TNRC6C: variants seen among roughly 807,000 people sequenced by gnomAD.
TNRC6C encodes the protein trinucleotide repeat-containing gene 6C protein.
Under a neutral mutation model 153.7 loss-of-function variants are expected in TNRC6C, and 20 were observed. The ratio of observed to expected loss-of-function variants is 0.13; its 90% CI spans 0.09 to 0.19. The LOEUF is 0.19. Ranked by LOEUF, TNRC6C falls within the 10% of genes least tolerant of loss-of-function variation. The pLI, the probability that TNRC6C is intolerant of heterozygous loss-of-function variation, is 1.00. For synonymous variants in TNRC6C, 811 were observed against 841.4 expected (o/e 0.96, Z 0.63); for missense variants, 1,987 against 2,172.0 (o/e 0.91, Z 1.69).
chr17:77,990,157 A>G (rs1474836302), intron 1 of TNRC6C, among the ~76,000 whole-genome samples: 1 of 152,074 alleles, frequency 6.6e-6, no homozygotes, highest in East Asian at 1.9e-4. Context: ...ACTTCTGTTC[A>G]TTTTGTCTTC....
chr17:78,083,498 A>G (rs2073219235), intron 11 of TNRC6C, among the ~76,000 whole-genome samples: 1 of 152,228 alleles, frequency 6.6e-6, no homozygotes. Context: ...ACCACTGCAC[A>G]TGGCTTGGCC....
Position 78,080,767 on chromosome 17 carries a change from C to T in TNRC6C, c.3357+1226C>T, listed in dbSNP as rs146897253. ...GAGCAGCAGCATCTTGAAGTACTTA[C>T]AACATTCTAGCATTCTAGCAGAGAG... On this transcript the variant is annotated intron_variant, in intron 10 of 19. Transcript: ENST00000301624. Among the ~76,000 whole-genome samples the T allele has an allele frequency of 5.2e-3, 793 of 152,250 alleles. 2 individuals are homozygous for T. Among genetic ancestry groups the T allele is most frequent in the Middle Eastern group, 0.024 (7 of 294 alleles).
chr17:77,968,893 G>T (rs1466559799), intron 1 of TNRC6C, among the ~76,000 whole-genome samples: 1 of 152,006 alleles, frequency 6.6e-6, no homozygotes, highest in African/African-American at 2.4e-5. Context: ...TTTCCCACTT[G>T]CCCTCCTGAA....
At chr17:77,962,332 G>A (rs1458063894) in intron 1 of TNRC6C, among the ~76,000 whole-genome samples, 15 of 152,176 alleles carry the variant, frequency 9.9e-5, no homozygotes, top group Non-Finnish European at 1.3e-4. Flanking sequence ...TTATGCTTTG[G>A]ATGACTGTTT....
At chr17:77,972,868 C>T (rs751784797) in intron 1 of TNRC6C, among the ~76,000 whole-genome samples, 19 of 152,136 alleles carry the variant, frequency 1.2e-4, no homozygotes, top group Non-Finnish European at 2.6e-4. Flanking sequence ...AATGTTACCA[C>T]GATGCCAGAG....
At chr17:78,107,280 T>A (rs747216762) in exon 20 of TNRC6C, 1 of 152,196 alleles carries the variant, frequency 6.6e-6, no homozygotes, top group Non-Finnish European at 1.5e-5. Context: ...TGTTTTTTGT[T>A]TTTTTTACCT....
intron 11 of TNRC6C, 142 bp downstream of exon 13, chr17:78,083,308 T>C (rs1302682328): frequency 1.7e-6 from 2 of 1,181,980 alleles, no homozygotes; most frequent in African/African-American, 3.1e-5. Flanking sequence ...AAACTCTTCA[T>C]GAGTTAGGGA....
intron 9 of TNRC6C, among the ~76,000 whole-genome samples, chr17:78,078,280 G>T (rs1010512430): frequency 6.6e-6 from 1 of 152,174 alleles, no homozygotes; most frequent in Non-Finnish European, 1.5e-5. Context: ...TGCAGAAGGG[G>T]TTCTCTCCCA....
At chr17:77,978,381 T>C (rs2071031467) in intron 1 of TNRC6C, among the ~76,000 whole-genome samples, 1 of 152,144 alleles carries the variant, frequency 6.6e-6, no homozygotes, top group Non-Finnish European at 1.5e-5. Context: ...ATAGTAAAGC[T>C]CAGTATTATT....
upstream of TNRC6C, among the ~76,000 whole-genome samples, chr17:78,003,119 T>C (rs1010044906): frequency 1.3e-5 from 2 of 152,174 alleles, no homozygotes; most frequent in African/African-American, 4.8e-5. Context: ...AGCACCCTGG[T>C]GATCAGGTGG....
intron 1 of TNRC6C, among the ~76,000 whole-genome samples, chr17:77,994,396 G>A (rs947628847): frequency 3.9e-5 from 6 of 152,144 alleles, no homozygotes; most frequent in African/African-American, 7.2e-5. Flanking sequence ...CGGACTTTCT[G>A]CCCAGGTCTT....
rs1345084670 is a variant in TNRC6C, at chr17:78,049,504, T to A, written c.442T>A (p.Leu148Ile). The A allele has an allele frequency of 6.2e-7, 1 of 1,614,004 alleles. No individual in the cohort carries two copies. Among genetic ancestry groups the A allele is most frequent in the South Asian group, 1.1e-5 (1 of 91,086 alleles). The change falls in exon 3 of 20, where the codon TTA (leucine) becomes ATA (isoleucine). Residue 148 changes from leucine to isoleucine, a missense_variant. Transcript: ENST00000301624. The surrounding 1 kb of genome is among the most constrained non-coding windows in gnomAD (Gnocchi z 4.1). ...CCAGAACGGGAACCCAACAGGCACT[T>A]TAGGTGCTTGGGGAAACTTGCTGCC...
intron 1 of TNRC6C, among the ~76,000 whole-genome samples, chr17:77,983,254 A>G (rs1025797932): frequency 6.6e-6 from 1 of 152,166 alleles, no homozygotes; most frequent in Admixed American, 6.5e-5. Flanking sequence ...TCCAATAGGG[A>G]ATGTTACTAC....
intron 1 of TNRC6C, among the ~76,000 whole-genome samples, chr17:77,961,912 A>G (rs1181730193): frequency 6.6e-6 from 1 of 152,178 alleles, no homozygotes; most frequent in Non-Finnish European, 1.5e-5. Flanking sequence ...TGCTTTTCCA[A>G]ATGCTGTCAT....
At chr17:78,051,081 C>A (rs1248830510) in exon 3 of TNRC6C, 4 of 1,602,908 alleles carry the variant, frequency 2.5e-6, no homozygotes. Flanking sequence ...AACCCCAAGA[C>A]AACAATGTGA....
exon 9 of TNRC6C, chr17:78,077,264 C>T (rs1388436674): frequency 6.3e-7 from 1 of 1,597,480 alleles, no homozygotes; most frequent in African/African-American, 1.3e-5. Flanking sequence ...TCACACAGTG[C>T]ACTCCCCAGT....
chr17:78,030,572 CA>C (rs1598710670), intron 1 of TNRC6C, among the ~76,000 whole-genome samples: 1 of 152,130 alleles, frequency 6.6e-6, no homozygotes, highest in East Asian at 1.9e-4. Context: ...GAACCACTGT[CA>C]TATATGAGTC....
chr17:78,037,300 A>G (rs779928990), intron 2 of TNRC6C, among the ~76,000 whole-genome samples: 5 of 152,222 alleles, frequency 3.3e-5, no homozygotes, highest in African/African-American at 9.6e-5. Flanking sequence ...GTGTGTCTTC[A>G]TTTGTTCATT....
chr17:78,047,477 T>G (rs1478752005), intron 2 of TNRC6C, among the ~76,000 whole-genome samples: 1 of 152,234 alleles, frequency 6.6e-6, no homozygotes, highest in African/African-American at 2.4e-5. Flanking sequence ...ATTACATTAC[T>G]CTTAAATCAG....
Sources: allele counts gnomAD v4.1 joint callset (sites outside exome capture counted in the v4.1 genomes callset), GRCh38; gene constraint gnomAD v4.1.1; non-coding constraint Gnocchi (gnomAD v3.1); transcripts MANE v1.5; gene names NCBI Gene and HGNC (gene_info 2026-07-23, HGNC 2026-07-21).